Variants in AGMO observed in about 807,000 individuals in gnomAD.
AGMO encodes the protein alkylglycerol monooxygenase.
AGMO carries 75 observed loss-of-function variants against 60.2 expected under a neutral mutation model. That is an observed-to-expected ratio of 1.25 (90% CI 1.03 to 1.51). AGMO has a LOEUF of 1.51. Ranked by LOEUF, AGMO falls within the 40% of genes most tolerant of loss-of-function variation. The pLI, the probability that AGMO is intolerant of heterozygous loss-of-function variation, is 0.00. For synonymous variants in AGMO, 261 were observed against 177.1 expected (o/e 1.47, Z -3.76); for missense variants, 763 against 525.5 (o/e 1.45, Z -4.42).
intron 2 of AGMO, among the ~76,000 whole-genome samples, chr7:15,559,584 T>C (rs776233407): frequency 1.3e-5 from 2 of 151,954 alleles, no homozygotes; most frequent in Non-Finnish European, 2.9e-5. Context: ...GAGTGGACGA[T>C]CCAAAAGCAA....
chr7:15,168,249 C>T, the AGMO span, among the ~76,000 whole-genome samples: 1 of 152,022 alleles, frequency 6.6e-6, no homozygotes, highest in Non-Finnish European at 1.5e-5. Flanking sequence ...GAGAGGAGAT[C>T]GCCAGCATAC....
the AGMO span, among the ~76,000 whole-genome samples, chr7:15,174,931 T>C: frequency 6.6e-6 from 1 of 151,914 alleles, no homozygotes; most frequent in Admixed American, 6.6e-5. Context: ...ATTCTTTTCT[T>C]TTATTGTTTA....
chr7:15,519,366 A>G (rs543903633), intron 3 of AGMO, among the ~76,000 whole-genome samples: 1 of 152,218 alleles, frequency 6.6e-6, no homozygotes, highest in East Asian at 1.9e-4. Flanking sequence ...CAGATTCACC[A>G]AGGTTGAAAT....
At chr7:15,500,391 A>C (rs1315665315) in intron 3 of AGMO, among the ~76,000 whole-genome samples, 1 of 151,818 alleles carries the variant, frequency 6.6e-6, no homozygotes, top group Non-Finnish European at 1.5e-5. Context: ...TTAGGAACCA[A>C]ATTTCTCATT....
chr7:15,490,883 T>C (rs974984819), intron 3 of AGMO, among the ~76,000 whole-genome samples: 1 of 152,334 alleles, frequency 6.6e-6, no homozygotes, highest in Admixed American at 6.5e-5. Context: ...TCAAATGTTA[T>C]ACAATGCTTG....
At chr7:15,192,952 GAAT>G in the AGMO span, among the ~76,000 whole-genome samples, 2 of 152,120 alleles carry the variant, frequency 1.3e-5, no homozygotes, top group African/African-American at 4.8e-5. Context: ...GACATAAACA[GAAT>G]AATTATTCTT....
chr7:15,380,690 C>T (rs1250357671), intron 10 of AGMO, among the ~76,000 whole-genome samples: 1 of 152,100 alleles, frequency 6.6e-6, no homozygotes, highest in Non-Finnish European at 1.5e-5. Flanking sequence ...CTTTAAAATG[C>T]ACATGGAACC....
intron 12 of AGMO, among the ~76,000 whole-genome samples, chr7:15,223,385 C>A (rs1781981226): frequency 6.6e-6 from 1 of 151,752 alleles, no homozygotes; most frequent in African/African-American, 2.4e-5. Context: ...TGAAATGCTC[C>A]TTTATCCTTA....
Position 15,391,146 on chromosome 7 carries a change from TCA to T in AGMO, c.677-243_677-242del, listed in dbSNP as rs571635706. On this transcript the variant is annotated intron_variant, in intron 6 of 12. Transcript: ENST00000342526. ...TTAAAGCTAGATGCATGCTTTCTTG[TCA>T]CAGTTTTTCAGTATAAAAATGGAAT... 2.0e-4 allele frequency among the ~76,000 whole-genome samples: 30 copies of T among 152,202 alleles called. No individual in the cohort carries two copies. The South Asian group carries it at 5.8e-3, about 29-fold the overall frequency.
At chr7:15,358,781 C>T (rs576356929) in intron 12 of AGMO, among the ~76,000 whole-genome samples, 9 of 152,166 alleles carry the variant, frequency 5.9e-5, no homozygotes, top group African/African-American at 1.7e-4. Context: ...GACAAGGAAG[C>T]GCCTCTCTGA....
chr7:15,300,719 A>AC (rs1784540702), intron 12 of AGMO, among the ~76,000 whole-genome samples: 4 of 152,196 alleles, frequency 2.6e-5, no homozygotes, highest in Admixed American at 2.6e-4. Flanking sequence ...CTGGCATGAG[A>AC]AAGAGTAAAA....
intron 5 of AGMO, among the ~76,000 whole-genome samples, chr7:15,398,116 AAAAC>A (rs1278720272): frequency 6.6e-6 from 1 of 152,176 alleles, no homozygotes. Context: ...ATGTGTTACA[AAAAC>A]AAACAACAAA....
intron 12 of AGMO, among the ~76,000 whole-genome samples, chr7:15,358,783 CCTCT>C (rs1267334780): frequency 6.6e-6 from 1 of 152,134 alleles, no homozygotes; most frequent in East Asian, 1.9e-4. Flanking sequence ...CAAGGAAGCG[CCTCT>C]CTGAGTTTTA....
At position 15,323,362 on chromosome 7, in the gene AGMO, G is replaced by A. The variant is rs533341630; in HGVS notation, c.1263+42152C>T. Among the ~76,000 whole-genome samples the A allele has an allele frequency of 7.9e-5, 12 of 152,140 alleles. No homozygotes were observed. In the South Asian group the frequency reaches 2.5e-3, roughly 32 times the overall value. On this transcript the variant is annotated intron_variant, in intron 12 of 12. Transcript: ENST00000342526. ...ATACATTGATATAAAAGAATTGGAA[G>A]AAGTCAGACAAAGAAAAAAATAACC...
At chr7:15,230,101 T>C (rs1487167783) in intron 12 of AGMO, among the ~76,000 whole-genome samples, 3 of 151,946 alleles carry the variant, frequency 2.0e-5, no homozygotes, top group Non-Finnish European at 2.9e-5. Flanking sequence ...TTTTCTTAAA[T>C]TATTGCTTTC....
chr7:15,324,412 A>C (rs772302326), intron 12 of AGMO, among the ~76,000 whole-genome samples: 1 of 152,000 alleles, frequency 6.6e-6, no homozygotes, highest in Admixed American at 6.6e-5. Context: ...GGTTATTCCT[A>C]CTATTACAGT....
chr7:15,545,242 G>T (rs1418965231), intron 2 of AGMO, among the ~76,000 whole-genome samples: 1 of 152,052 alleles, frequency 6.6e-6, no homozygotes, highest in African/African-American at 2.4e-5. Context: ...AATAGGACAA[G>T]ACTAAAACTT....
the AGMO span, among the ~76,000 whole-genome samples, chr7:15,134,477 T>C: frequency 6.6e-6 from 1 of 152,148 alleles, no homozygotes; most frequent in East Asian, 1.9e-4. Context: ...AAGTAGGCCC[T>C]GGTGTTGGTT....
chr7:15,279,740 G>A (rs760830199), intron 12 of AGMO, among the ~76,000 whole-genome samples: 1 of 152,172 alleles, frequency 6.6e-6, no homozygotes, highest in African/African-American at 2.4e-5. Flanking sequence ...AGCCTCCAGA[G>A]TAAGAGCTGG....
Sources: allele counts gnomAD v4.1 joint callset (sites outside exome capture counted in the v4.1 genomes callset), GRCh38; gene constraint gnomAD v4.1.1; transcripts MANE v1.5; gene names NCBI Gene and HGNC (gene_info 2026-07-23, HGNC 2026-07-21).